ADGRB3: variants seen among roughly 807,000 people sequenced by gnomAD.
ADGRB3 encodes the protein adhesion G protein-coupled receptor B3, also known as brain-specific angiogenesis inhibitor 3.
Under a neutral mutation model 193.4 loss-of-function variants are expected in ADGRB3, and 37 were observed. The ratio of observed to expected loss-of-function variants is 0.19; its 90% CI spans 0.15 to 0.25. The LOEUF is 0.25. Among genes scored for constraint, ADGRB3 ranks in the 10% least tolerant of loss-of-function variants. The probability of loss-of-function intolerance (pLI) is 1.00; values close to 1 mark genes in which losing one functional copy is unlikely to be tolerated. For missense variants in ADGRB3, 1,637 were observed against 1,852.9 expected (o/e 0.88, Z 2.14); for synonymous variants, 690 against 644.2 (o/e 1.07, Z -1.08).
intron 29 of ADGRB3, among the ~76,000 whole-genome samples, chr6:69,366,216 T>C (rs534802597): frequency 6.6e-6 from 1 of 152,112 alleles, no homozygotes; most frequent in Non-Finnish European, 1.5e-5. Context: ...GATTACAGAA[T>C]TTTGTCTCTC....
Position 68,798,107 on chromosome 6 carries a change from C to A in ADGRB3, c.758-132452C>A, listed in dbSNP as rs192507686. 3.5e-3 allele frequency among the ~76,000 whole-genome samples: 533 copies of A among 152,096 alleles called. 6 individuals carry two copies. Among genetic ancestry groups the A allele is most frequent in the Non-Finnish European group, 4.4e-3 (298 of 67,984 alleles). ...TATCTTCCTGCTATCCTCTCCTCAG[C>A]AATAAAATTATTTTTCAAATCAGAG... On this transcript the variant is annotated intron_variant, in intron 3 of 31. Transcript: ENST00000370598.
chr6:68,985,944 C>A (rs953850936), intron 10 of ADGRB3, among the ~76,000 whole-genome samples: 5 of 152,114 alleles, frequency 3.3e-5, no homozygotes, highest in Non-Finnish European at 4.4e-5. Flanking sequence ...GCTCACAGAG[C>A]ATGCTCTAGT....
At chr6:68,953,437 T>C (rs886398335) in intron 6 of ADGRB3, among the ~76,000 whole-genome samples, 2 of 152,162 alleles carry the variant, frequency 1.3e-5, no homozygotes, top group Non-Finnish European at 2.9e-5. Flanking sequence ...TCTCTTTTTA[T>C]AAACCCTTCT....
intron 3 of ADGRB3, among the ~76,000 whole-genome samples, chr6:68,801,609 A>G (rs1477452723): frequency 6.6e-6 from 1 of 152,184 alleles, no homozygotes; most frequent in Admixed American, 6.5e-5. Context: ...GAATCGTTTG[A>G]ACGCGGGAGG....
chr6:69,078,881 A>G (rs886233122), intron 17 of ADGRB3, among the ~76,000 whole-genome samples: 1 of 152,078 alleles, frequency 6.6e-6, no homozygotes, highest in Non-Finnish European at 1.5e-5. Flanking sequence ...GGTGCCTACT[A>G]TACCTGCATA....
chr6:69,010,799 C>CA (rs1180522614), intron 11 of ADGRB3, among the ~76,000 whole-genome samples: 25 of 145,776 alleles, frequency 1.7e-4, no homozygotes, highest in East Asian at 1.2e-3. Flanking sequence ...AATCAAAAAA[C>CA]AAAAAAAAGC....
chr6:69,102,290 G>A (rs563672073), intron 17 of ADGRB3, among the ~76,000 whole-genome samples: 1 of 151,788 alleles, frequency 6.6e-6, no homozygotes, highest in Non-Finnish European at 1.5e-5. Flanking sequence ...AGTGAACCTA[G>A]AAAAGTGAGC....
intron 21 of ADGRB3, among the ~76,000 whole-genome samples, chr6:69,326,032 G>A (rs77811558): frequency 0.034 from 5,191 of 152,168 alleles, 286 homozygotes; most frequent in African/African-American, 0.11. Context: ...ACCTGAGCAC[G>A]GGAGTTCGAG....
intron 20 of ADGRB3, among the ~76,000 whole-genome samples, chr6:69,255,900 C>A (rs190032338): frequency 6.6e-6 from 1 of 152,104 alleles, no homozygotes; most frequent in Non-Finnish European, 1.5e-5. Flanking sequence ...GGAAGGGATC[C>A]GGTTTCAGCT....
At chr6:68,679,064 C>G (rs1764829474) in intron 3 of ADGRB3, among the ~76,000 whole-genome samples, 1 of 151,978 alleles carries the variant, frequency 6.6e-6, no homozygotes, top group African/African-American at 2.4e-5. Flanking sequence ...AATTATTTCT[C>G]TTTCAGATAT....
intron 15 of ADGRB3, among the ~76,000 whole-genome samples, chr6:69,060,220 TTCTCTCTCTCTCTCTC>T (rs556453350): frequency 7.7e-6 from 1 of 129,552 alleles, no homozygotes; most frequent in Non-Finnish European, 1.6e-5. Flanking sequence ...CTCTCTCTCT[TTCTCTCTCTCTCTCTC>T]TCTCTCTCTC....
At chr6:69,352,844 T>G (rs935708373) in intron 26 of ADGRB3, among the ~76,000 whole-genome samples, 5 of 152,204 alleles carry the variant, frequency 3.3e-5, no homozygotes, top group Non-Finnish European at 7.3e-5. Context: ...TGACAAGAGA[T>G]CTTATATCAC....
At position 68,956,649 on chromosome 6, in the gene ADGRB3, T is replaced by A; in HGVS notation, c.1365T>A (p.Asn455Lys). 6.2e-7 allele frequency: 1 copy of A among 1,613,884 alleles called. No individual in the cohort carries two copies. Among genetic ancestry groups the A allele is most frequent in the Non-Finnish European group, 8.5e-7 (1 of 1,179,884 alleles). ...RECYNPECTA[N>K]GQWNQWGHWS... Reference sequence around the variant, plus strand: ...ACCATGAAACATTTCTTTCAGCCAATGGTCAATGGAATCAGTGGGGTCATT... The same window carrying A: ...ACCATGAAACATTTCTTTCAGCCAAAGGTCAATGGAATCAGTGGGGTCATT... Residue 455 changes from asparagine (N) to lysine (K), a missense_variant, in exon 8 of 32, where the codon AAT becomes AAA. Coordinates refer to ENST00000370598, the MANE Select transcript of ADGRB3 (RefSeq NM_001704.3).
intron 17 of ADGRB3, among the ~76,000 whole-genome samples, chr6:69,133,860 C>G (rs1774079463): frequency 1.3e-5 from 2 of 152,080 alleles, no homozygotes; most frequent in Non-Finnish European, 2.9e-5. Context: ...CTGCAAGTCT[C>G]CAAAGTCCAC....
intron 3 of ADGRB3, among the ~76,000 whole-genome samples, chr6:68,658,963 G>T (rs1389309676): frequency 6.6e-6 from 1 of 151,100 alleles, no homozygotes; most frequent in Non-Finnish European, 1.5e-5. Flanking sequence ...AGTACCAGAA[G>T]ATACAGGATA....
intron 20 of ADGRB3, among the ~76,000 whole-genome samples, chr6:69,298,697 G>A (rs1767886091): frequency 6.6e-6 from 1 of 151,938 alleles, no homozygotes; most frequent in Admixed American, 6.6e-5. Context: ...CATCTATGTT[G>A]TTGCAAATGA....
chr6:69,102,361 G>T (rs1257854745), intron 17 of ADGRB3, among the ~76,000 whole-genome samples: 2 of 152,102 alleles, frequency 1.3e-5, no homozygotes, highest in Non-Finnish European at 2.9e-5. Context: ...TCAGTATGGT[G>T]AGTACCCTAG....
intron 6 of ADGRB3, among the ~76,000 whole-genome samples, chr6:68,951,863 C>T (rs996406056): frequency 1.3e-5 from 2 of 152,022 alleles, no homozygotes; most frequent in Non-Finnish European, 2.9e-5. Context: ...CTGCTGAGCC[C>T]GGTAAAAAGT....
intron 3 of ADGRB3, among the ~76,000 whole-genome samples, chr6:68,790,476 G>A (rs530471182): frequency 2.6e-5 from 4 of 152,114 alleles, no homozygotes; most frequent in Admixed American, 6.5e-5. Flanking sequence ...ATCTGAGAAC[G>A]GGCAGACTGC....
Sources: gnomAD v4.1 joint callset for allele counts (sites outside exome capture counted in the v4.1 genomes callset) on GRCh38, gnomAD v4.1.1 for gene constraint, MANE v1.5 for transcripts, NCBI Gene and HGNC (gene_info 2026-07-23, HGNC 2026-07-21) for gene names.